Variants in CCNL2 observed in about 807,000 individuals in gnomAD.
CCNL2 encodes cyclin-L2.
Under a neutral mutation model 59.1 loss-of-function variants are expected in CCNL2, and 28 were observed. The ratio of observed to expected loss-of-function variants is 0.47; its 90% confidence interval spans 0.35 to 0.65. The LOEUF is 0.65. Among genes scored for constraint, CCNL2 ranks in the 30% least tolerant of loss-of-function variants. CCNL2 has a pLI of 0.00. For missense variants in CCNL2, 714 were observed against 717.4 expected (o/e 1.00, Z 0.05); for synonymous variants, 342 against 288.6 (o/e 1.19, Z -1.88).
Position 1,398,354 on chromosome 1 carries a change from G to A in CCNL2, c.364-12C>T. The A allele has an allele frequency of 1.2e-6, 2 of 1,614,064 alleles. No homozygotes were observed. The highest frequency in any genetic ancestry group is 1.7e-6 in the Non-Finnish European group (2 of 1,179,998). On this transcript the variant is annotated splice_polypyrimidine_tract_variant and intron_variant, in intron 2 of 10. Transcript: ENST00000400809. Reference sequence around the variant, plus strand: ...GCCATTGACACATGCTGAAGCGGAAGCATTGCAACACGCCCATGTTTGTCC... The same window carrying A: ...GCCATTGACACATGCTGAAGCGGAAACATTGCAACACGCCCATGTTTGTCC...
intron 3 of CCNL2, 88 bp downstream of exon 3, chr1:1,398,145 T>G (rs760792021): frequency 1.4e-4 from 184 of 1,271,832 alleles, no homozygotes; most frequent in Non-Finnish European, 2.0e-4. Flanking sequence ...CTCAGGCCTG[T>G]ATTGTGTTAT....
At chr1:1,398,198 A>G (rs1404443085) in intron 3 of CCNL2, 35 bp downstream of exon 3, 3 of 1,595,144 alleles carry the variant, frequency 1.9e-6, no homozygotes, top group South Asian at 1.1e-5. Flanking sequence ...GAAAATAGGC[A>G]TCTATGATAG....
chr1:1,387,522 C>A lies in CCNL2; in HGVS notation c.1272G>T (p.Arg424Ser). The change falls in exon 11 of 11, where the codon AGG becomes AGT. Residue 424 changes from arginine to serine, a missense_variant. Arg to Ser is a moderately radical substitution (Grantham distance 110, BLOSUM62 -1). Around this residue, in one of 5 missense-constraint regions of CCNL2, gnomAD observed 403 missense variants for 377.7 expected, o/e 1.07. Coordinates refer to ENST00000400809, the MANE Select transcript of CCNL2 (RefSeq NM_030937.6). ...GSKSQSRSRS[R>S]SDSPPRQAPR... ...GGGCCTGTCTCGGTGGGGAGTCACT[C>A]CTGCTCCGGGAGCGGCTCTGCGACT... 2 of 1,561,858 alleles carry A rather than the reference C, an allele frequency of 1.3e-6. No homozygotes were observed. Among genetic ancestry groups the A allele is most frequent in the Non-Finnish European group, 1.7e-6 (2 of 1,157,052 alleles).
chr1:1,392,810 T>C (rs1464824945), intron 5 of CCNL2: 2 of 1,612,294 alleles, frequency 1.2e-6, no homozygotes, highest in South Asian at 1.1e-5. Flanking sequence ...TACCCTTTGA[T>C]TGAAAGAGTA....
intron 3 of CCNL2, among the ~76,000 whole-genome samples, chr1:1,398,012 G>A (rs907430551): frequency 6.6e-6 from 1 of 152,166 alleles, no homozygotes; most frequent in African/African-American, 2.4e-5. Flanking sequence ...AGCGCGACCC[G>A]CCACAGCGCA....
chr1:1,398,482 GCA>G (rs1423927528), intron 2 of CCNL2, 113 bp downstream of exon 2: 2 of 1,574,768 alleles, frequency 1.3e-6, no homozygotes, highest in African/African-American at 2.7e-5. Context: ...GAACCCTCCG[GCA>G]CAGAGCTCAG....
At position 1,395,446 on chromosome 1, in the gene CCNL2, C is replaced by A. The variant is rs1181650651; in HGVS notation, c.542G>T (p.Arg181Ile). The A allele has an allele frequency of 6.2e-7, 1 of 1,614,060 alleles. No individual in the cohort carries two copies. The highest frequency in any genetic ancestry group is 1.3e-5 in the African/African-American group (1 of 74,924). Residue 181 changes from arginine (R) to isoleucine (I), a missense_variant, in exon 4 of 11, where the codon AGA becomes ATA. Arg to Ile is a moderately conservative substitution (Grantham distance 97). Around this residue, in one of 5 missense-constraint regions of CCNL2, gnomAD observed 270 missense variants for 254.9 expected, o/e 1.06. Coordinates refer to ENST00000400809, the MANE Select transcript of CCNL2 (RefSeq NM_030937.6). Reference sequence around the variant, plus strand: ...GAAACCCAACTCTTTGAGAACTCGTCTTTCCGCCTTTATAATTTGGTTCTT... The same window carrying A: ...GAAACCCAACTCTTTGAGAACTCGTATTTCCGCCTTTATAATTTGGTTCTT... ...NLKNQIIKAE[R>I]RVLKELGFCV... is the part of the protein sequence containing the mutation.
chr1:1,387,748 G>C (rs552949710), intron 10 of CCNL2, 29 bp downstream of exon 10: 1 of 1,548,058 alleles, frequency 6.5e-7, no homozygotes, highest in South Asian at 1.1e-5. Context: ...CCCGGTATCG[G>C]CCTCCTGGGT....
Position 1,387,051 on chromosome 1 carries a change from G to A in CCNL2, c.*180C>T, listed in dbSNP as rs942784753. The A allele has an allele frequency of 1.9e-5, 11 of 584,144 alleles. No homozygotes were observed. Among genetic ancestry groups the A allele is most frequent in the East Asian group, 2.8e-5 (1 of 35,546 alleles). The allele number at this position is 584,144 out of a possible 1,614,324, so 36.2% of individuals were successfully genotyped here. A position where few individuals can be genotyped will look rare whatever the true frequency, so the allele number is the denominator to read the frequency against. On this transcript the variant is annotated 3_prime_UTR_variant, in exon 11 of 11. Coordinates refer to ENST00000400809, the MANE Select transcript of CCNL2 (RefSeq NM_030937.6). The stretch of plus-strand genomic sequence containing the variant: ...TGAAGCACGTGTCACCGGTCCCTCA[G>A]TTCCATTTCCAAATCCACCAAGGTC...
chr1:1,398,900 C>CGGGGCA (rs1333374494), intron 1 of CCNL2, 119 bp downstream of exon 1: 14 of 1,246,030 alleles, frequency 1.1e-5, no homozygotes, highest in Admixed American at 3.8e-5. Flanking sequence ...AGGCTGGGGT[C>CGGGGCA]GGGGCAGGGG....
chr1:1,387,443 C>G lies in CCNL2; in HGVS notation c.1351G>C (p.Asp451His). ...TGTGGCTTCTGGGGGTACTTGCAGT[C>G]CTTGGACTTCCGGGAGCCCCGAATC... ...SEIRGSRKSK[D>H]CKYPQKPHKS... Residue 451 changes from aspartate (D) to histidine (H), a missense_variant, in exon 11 of 11, where the codon GAC becomes CAC. Transcript: ENST00000400809. The G allele has an allele frequency of 6.2e-7, 1 of 1,613,524 alleles. No individual in the cohort carries two copies. The highest frequency in any genetic ancestry group is 1.1e-5 in the South Asian group (1 of 91,040).
At chr1:1,394,078 T>G (rs1342855652) in intron 4 of CCNL2, among the ~76,000 whole-genome samples, 1 of 151,104 alleles carries the variant, frequency 6.6e-6, no homozygotes, top group South Asian at 2.1e-4. Flanking sequence ...TGAGCTGAGG[T>G]TGCGCCATTG....
In CCNL2 at chr1:1,391,490, G is replaced by T. The variant is rs894898717; in HGVS notation, c.660-625C>A. Reference sequence around the variant, plus strand: ...TGCAAGTTGGACGCGTGGGAGCATCGTGCGGAGGGAGACTCCGCACCCAAG... The same window carrying T: ...TGCAAGTTGGACGCGTGGGAGCATCTTGCGGAGGGAGACTCCGCACCCAAG... On this transcript the variant is annotated intron_variant, in intron 5 of 10. Coordinates refer to ENST00000400809, the MANE Select transcript of CCNL2 (RefSeq NM_030937.6). The T allele has an allele frequency of 2.3e-6, 3 of 1,290,942 alleles. No individual in the cohort carries two copies. The African/African-American group carries it at 4.6e-5, about 20-fold the overall frequency. The allele number at this position is 1,290,942 out of a possible 1,614,324, so 80.0% of individuals were successfully genotyped here.
At chr1:1,387,722 C>T (rs867250840) in intron 10 of CCNL2, 55 bp downstream of exon 10, 47 of 1,505,738 alleles carry the variant, frequency 3.1e-5, no homozygotes, top group Middle Eastern at 3.6e-4. Flanking sequence ...ATGATTACCC[C>T]GAGGGACAGC....
At chr1:1,392,431 C>T in intron 5 of CCNL2, 1 of 1,155,648 alleles carries the variant, frequency 8.7e-7, no homozygotes, top group Non-Finnish European at 1.1e-6. Flanking sequence ...GAAATCATGA[C>T]ATAACCCCAC....
chr1:1,390,266 C>G lies in CCNL2; in HGVS notation c.970G>C (p.Asp324His). ...GLLPGGTQVL[D>H]GTSGFSPAPK... ...GCAGGAGAGAACCCCGAGGTACCAT[C>G]CAGCACCTGTGTGCCCCCAGGCAAC... is the stretch of plus-strand genomic sequence containing the variant. Residue 324 changes from aspartate to histidine, a missense_variant, in exon 8 of 11, where the codon GAT becomes CAT. Physicochemically the swap from Asp to His is moderately conservative, Grantham distance 81 (BLOSUM62 -1). Coordinates refer to ENST00000400809, the MANE Select transcript of CCNL2 (RefSeq NM_030937.6). 6.2e-7 allele frequency: 1 copy of G among 1,613,748 alleles called. No homozygotes were observed. Among genetic ancestry groups the G allele is most frequent in the Non-Finnish European group, 8.5e-7 (1 of 1,179,698 alleles).
At chr1:1,391,422 T>A in intron 5 of CCNL2, 1 of 1,199,706 alleles carries the variant, frequency 8.3e-7, no homozygotes, top group Non-Finnish European at 1.1e-6. Flanking sequence ...GAGCTGCAGC[T>A]TCCTTGAAGG....
At chr1:1,387,902 G>A (rs765013725) in intron 9 of CCNL2, 33 bp from the exon 10 acceptor site, 26 of 1,613,724 alleles carry the variant, frequency 1.6e-5, no homozygotes, top group Middle Eastern at 1.6e-4. Context: ...TTACAAAGCA[G>A]AAGTCCCTCC....
intron 5 of CCNL2, chr1:1,391,493 C>A (rs990948659): frequency 2.3e-6 from 3 of 1,293,154 alleles, no homozygotes; most frequent in East Asian, 1.1e-4. Context: ...GAGCATCGTG[C>A]GGAGGGAGAC....
Sources: gnomAD v4.1 joint callset for allele counts (sites outside exome capture counted in the v4.1 genomes callset) on GRCh38, gnomAD v4.1.1 for gene constraint, gnomAD v4.1.1 regional missense constraint, MANE v1.5 for transcripts, NCBI Gene and HGNC (gene_info 2026-07-23, HGNC 2026-07-21) for gene names.